Variants in ERBB4 observed in about 807,000 individuals in gnomAD.
The protein encoded by ERBB4 is erb-b2 receptor tyrosine kinase 4.
ERBB4 carries 42 observed loss-of-function variants against 158.0 expected under a neutral mutation model. The ratio of observed to expected loss-of-function variants is 0.27; its 90% CI spans 0.21 to 0.34. ERBB4 has a LOEUF of 0.34. ERBB4 is among the 10% of genes least tolerant of loss of function. ERBB4 has a pLI of 1.00. For synonymous variants in ERBB4, 583 were observed against 558.7 expected, an observed-to-expected ratio of 1.04 and a Z score of -0.61; for missense variants, 1,333 against 1,624.1, an observed-to-expected ratio of 0.82 and a Z score of 3.08.
intron 20 of ERBB4, among the ~76,000 whole-genome samples, chr2:211,434,449 G>A (rs1177284543): frequency 1.3e-5 from 2 of 152,140 alleles, no homozygotes; most frequent in African/African-American, 2.4e-5. Flanking sequence ...TAGGAGCTAT[G>A]AACAACTAGG....
chr2:211,603,502 A>G (rs2068868239), intron 19 of ERBB4, among the ~76,000 whole-genome samples: 1 of 152,234 alleles, frequency 6.6e-6, no homozygotes, highest in South Asian at 2.1e-4. Flanking sequence ...ATATATACAT[A>G]AGAGAAAAAT....
At chr2:212,403,076 A>C (rs1434375220) in intron 1 of ERBB4, among the ~76,000 whole-genome samples, 1 of 152,102 alleles carries the variant, frequency 6.6e-6, no homozygotes, top group African/African-American at 2.4e-5. Flanking sequence ...TTATAATTAA[A>C]TTATCTCAAG....
intron 1 of ERBB4, among the ~76,000 whole-genome samples, chr2:212,188,156 T>TGTCAGATCTCCC (rs753780447): frequency 7.1e-6 from 1 of 140,304 alleles, no homozygotes; most frequent in Non-Finnish European, 1.5e-5. Context: ...TCCCAAATCC[T>TGTCAGATCTCCC]GTCAGATCTC....
At chr2:212,310,042 G>T (rs4347765) in intron 1 of ERBB4, among the ~76,000 whole-genome samples, 104,253 of 149,936 alleles carry the variant, frequency 0.7, 40,327 homozygotes, top group East Asian at 0.87. Context: ...TATAGAAATA[G>T]ATGCATTTTT....
intron 3 of ERBB4, among the ~76,000 whole-genome samples, chr2:211,938,927 A>G (rs138616403): frequency 6.6e-6 from 1 of 152,190 alleles, no homozygotes; most frequent in Non-Finnish European, 1.5e-5. Flanking sequence ...TGCATTACAG[A>G]TAAGAGTTTA....
At chr2:211,530,216 T>C (rs4408664) in intron 20 of ERBB4, among the ~76,000 whole-genome samples, 51,001 of 151,846 alleles carry the variant, frequency 0.34, 9,765 homozygotes, top group East Asian at 0.62. Flanking sequence ...GCAAACAATC[T>C]GAAGAAGAAA....
chr2:212,233,266 C>T (rs924138896), intron 1 of ERBB4, among the ~76,000 whole-genome samples: 4 of 152,088 alleles, frequency 2.6e-5, no homozygotes, highest in Admixed American at 2.6e-4. Context: ...ATTCATAAAT[C>T]TTGAAATCCA....
At chr2:212,479,506 C>T (rs753115180) in intron 1 of ERBB4, among the ~76,000 whole-genome samples, 27 of 152,108 alleles carry the variant, frequency 1.8e-4, no homozygotes, top group Admixed American at 8.5e-4. Flanking sequence ...ACTTACTGTG[C>T]GCCGAGCACT....
intron 25 of ERBB4, among the ~76,000 whole-genome samples, chr2:211,402,363 G>A (rs535970213): frequency 2.0e-5 from 3 of 152,072 alleles, no homozygotes; most frequent in East Asian, 1.9e-4. Context: ...TGCAAAAAAC[G>A]ATAAATGAGA....
intron 3 of ERBB4, among the ~76,000 whole-genome samples, chr2:211,921,415 A>T (rs1332739064): frequency 1.3e-5 from 2 of 152,040 alleles, no homozygotes; most frequent in Non-Finnish European, 2.9e-5. Flanking sequence ...CTTAAAAAAA[A>T]TAGGAAGGAT....
At chr2:211,857,092 G>A (rs7595501) in intron 3 of ERBB4, among the ~76,000 whole-genome samples, 4 of 151,822 alleles carry the variant, frequency 2.6e-5, no homozygotes, top group African/African-American at 9.7e-5. Context: ...AGGTAACATT[G>A]CTAGGAAGTC....
At chr2:211,783,780 T>C (rs937286381) in intron 4 of ERBB4, among the ~76,000 whole-genome samples, 3 of 152,346 alleles carry the variant, frequency 2.0e-5, no homozygotes, top group East Asian at 1.9e-4. Context: ...CAGTATTTTA[T>C]TGAGGATTTT....
intron 1 of ERBB4, among the ~76,000 whole-genome samples, chr2:212,387,543 G>C (rs182866927): frequency 1.7e-3 from 259 of 151,280 alleles, no homozygotes; most frequent in Middle Eastern, 6.8e-3. Flanking sequence ...TCAGCCTCCC[G>C]AGTAGCTGGG....
In ERBB4 at chr2:211,380,004, T is replaced by C. The variant is rs975724858; in HGVS notation, c.*3611A>G. The C allele has an allele frequency of 1.3e-5, 3 of 228,460 alleles. No individual in the cohort carries two copies. Among genetic ancestry groups the C allele is most frequent in the Non-Finnish European group, 2.6e-5 (3 of 116,452 alleles). The allele number at this position is 228,460 out of a possible 1,614,324, so 14.2% of individuals were successfully genotyped here. On this transcript the variant is annotated 3_prime_UTR_variant, in exon 28 of 28. Transcript: ENST00000342788. ...CAATCTTCATGCCATGTCTTTCCTTTAGAAGGTATTAGCTCACACACTATA... is the reference window on the plus strand; with the variant it reads ...CAATCTTCATGCCATGTCTTTCCTTCAGAAGGTATTAGCTCACACACTATA...
chr2:211,905,687 C>CATATATGTGTGTGTATGTGTGTGT (rs2079367131), intron 3 of ERBB4, among the ~76,000 whole-genome samples: 1 of 95,698 alleles, frequency 1.0e-5, no homozygotes, highest in Non-Finnish European at 2.3e-5. Flanking sequence ...TATATACACA[C>CATATATGTGTGTGTATGTGTGTGT]ATATATGTGT....
intron 1 of ERBB4, among the ~76,000 whole-genome samples, chr2:212,403,763 C>T (rs1449232923): frequency 2.0e-5 from 3 of 151,896 alleles, no homozygotes; most frequent in East Asian, 1.9e-4. Flanking sequence ...TCGACAGGTA[C>T]AAAGTTTCAT....
chr2:212,185,034 C>CTTTTTTTTTTTTTTTTTTT (rs762121501), intron 1 of ERBB4, among the ~76,000 whole-genome samples: 1 of 132,572 alleles, frequency 7.5e-6, no homozygotes, highest in African/African-American at 2.8e-5. Context: ...TTTTTTTTTT[C>CTTTTTTTTTTTTTTTTTTT]TTTTGAGACA....
intron 1 of ERBB4, among the ~76,000 whole-genome samples, chr2:212,412,942 G>C (rs2091539276): frequency 6.7e-6 from 1 of 150,236 alleles, no homozygotes; most frequent in Non-Finnish European, 1.5e-5. Context: ...GTGATATGTA[G>C]AGTATTTTTT....
chr2:211,863,876 T>C (rs1037642908), intron 3 of ERBB4, among the ~76,000 whole-genome samples: 3 of 152,198 alleles, frequency 2.0e-5, no homozygotes, highest in African/African-American at 7.2e-5. Context: ...GTGTATTCAG[T>C]GGAAAAATTG....
Sources: gnomAD v4.1 joint callset for allele counts (sites outside exome capture counted in the v4.1 genomes callset) on GRCh38, gnomAD v4.1.1 for gene constraint, MANE v1.5 for transcripts, NCBI Gene and HGNC (gene_info 2026-07-23, HGNC 2026-07-21) for gene names.